Variants in AKAP13 observed in about 807,000 individuals in gnomAD.
AKAP13 encodes A-kinase anchoring protein 13.
Under a neutral mutation model 264.5 loss-of-function variants are expected in AKAP13, and 80 were observed. The ratio of observed to expected loss-of-function variants is 0.30; its 90% confidence interval spans 0.25 to 0.36. AKAP13 has a LOEUF of 0.36. Ranked by LOEUF, AKAP13 falls within the 10% of genes least tolerant of loss-of-function variation. The pLI is 1.00. For synonymous variants in AKAP13, 1,380 were observed against 1,250.2 expected, an observed-to-expected ratio of 1.10 and a Z score of -2.19; for missense variants, 3,712 against 3,435.2, an observed-to-expected ratio of 1.08 and a Z score of -2.01.
In AKAP13 at chr15:85,655,541, A is replaced by G. The variant is rs141765986; in HGVS notation, c.4499A>G (p.Asn1500Ser). Reference sequence around the variant, plus strand: ...TCTCTCTCCCAGATTTTAAAGCCAAACAGGTCAAGAGATCGGCAAAGCCTT... The same window carrying G: ...TCTCTCTCCCAGATTTTAAAGCCAAGCAGGTCAAGAGATCGGCAAAGCCTT... ...DVSLSQILKP[N>S]RSRDRQSLDG... Residue 1500 changes from asparagine to serine, a missense_variant, in exon 11 of 37, where the codon AAC (asparagine) becomes AGC (serine). Coordinates refer to ENST00000394518, the MANE Select transcript of AKAP13 (RefSeq NM_007200.5). 3.1e-6 allele frequency: 5 copies of G among 1,614,208 alleles called. No homozygotes were observed. Among genetic ancestry groups the G allele is most frequent in the African/African-American group, 1.3e-5 (1 of 75,064 alleles).
intron 10 of AKAP13, among the ~76,000 whole-genome samples, chr15:85,652,822 G>A (rs778478758): frequency 2.6e-5 from 4 of 152,138 alleles, no homozygotes; most frequent in African/African-American, 7.2e-5. Context: ...CTGCCTTCAC[G>A]TGGTATTCTC....
rs1175485577 is a variant in AKAP13 at position 85,515,123 on chromosome 15, A to G, written c.34-6305A>G. On this transcript the variant is annotated intron_variant, in intron 2 of 36. Coordinates refer to ENST00000394518, the MANE Select transcript of AKAP13 (RefSeq NM_007200.5). ...AAAATATGTGACTGCAAGATATAAA[A>G]AATAAACTCAGGAATCTAAATTTTA... Among the ~76,000 whole-genome samples the G allele has an allele frequency of 2.2e-5, 3 of 138,768 alleles. 1 individual carries two copies. The Admixed American group carries it at 2.2e-4, about 10-fold the overall frequency. The allele number at this position is 138,768 out of a possible 152,430, so 91.0% of individuals were successfully genotyped here.
chr15:85,586,746 T>C (rs2079371407), intron 8 of AKAP13, among the ~76,000 whole-genome samples: 2 of 151,950 alleles, frequency 1.3e-5, no homozygotes, highest in Non-Finnish European at 2.9e-5. Flanking sequence ...ACCAACATGG[T>C]GAAACCCTGT....
At chr15:85,519,452 A>G (rs890307326) in intron 2 of AKAP13, among the ~76,000 whole-genome samples, 1 of 152,102 alleles carries the variant, frequency 6.6e-6, no homozygotes, top group Non-Finnish European at 1.5e-5. Flanking sequence ...GGAACTTTTT[A>G]TTTGTACTTT....
At chr15:85,637,407 A>G (rs541227400) in intron 8 of AKAP13, among the ~76,000 whole-genome samples, 2 of 152,294 alleles carry the variant, frequency 1.3e-5, no homozygotes, top group South Asian at 4.1e-4. Flanking sequence ...TATTTCATCC[A>G]ACTTGATGAA....
chr15:85,689,748 C>T (rs2085166446), intron 16 of AKAP13: 1 of 152,270 alleles, frequency 6.6e-6, no homozygotes, highest in Non-Finnish European at 1.5e-5. Flanking sequence ...TATATTGCTG[C>T]TTAAGCACTG....
chr15:85,437,527 T>C (rs1227976786), intron 1 of AKAP13, among the ~76,000 whole-genome samples: 4 of 151,162 alleles, frequency 2.6e-5, no homozygotes, highest in African/African-American at 9.7e-5. Flanking sequence ...AAAAAGAGAA[T>C]TTTAGACCAA....
At chr15:85,487,592 G>A (rs1002702274) in intron 2 of AKAP13, among the ~76,000 whole-genome samples, 2 of 152,210 alleles carry the variant, frequency 1.3e-5, no homozygotes, top group South Asian at 2.1e-4. Flanking sequence ...TGGAGATGGG[G>A]CCTTGCTCTG....
chr15:85,592,614 C>G (rs2079631313), intron 8 of AKAP13, among the ~76,000 whole-genome samples: 1 of 152,138 alleles, frequency 6.6e-6, no homozygotes, highest in African/African-American at 2.4e-5. Flanking sequence ...GAGGCAGGCT[C>G]TCCTTAAATT....
chr15:85,662,439 C>A (rs745651912), intron 12 of AKAP13: 42 of 1,614,036 alleles, frequency 2.6e-5, no homozygotes, highest in Non-Finnish European at 3.6e-5. Context: ...TGAGTGCTGA[C>A]TTTAATTACA....
At chr15:85,517,233 C>T (rs887246068) in intron 2 of AKAP13, among the ~76,000 whole-genome samples, 2 of 152,218 alleles carry the variant, frequency 1.3e-5, no homozygotes, top group African/African-American at 4.8e-5. Flanking sequence ...CTTTCTATCT[C>T]ATTCTCCTAA....
chr15:85,539,630 T>C (rs2077518445), intron 4 of AKAP13, among the ~76,000 whole-genome samples: 1 of 152,200 alleles, frequency 6.6e-6, no homozygotes, highest in Non-Finnish European at 1.5e-5. Flanking sequence ...TCATCATGCT[T>C]GAATGCCTAC....
chr15:85,569,081 G>A (rs893928854), intron 5 of AKAP13, among the ~76,000 whole-genome samples: 2 of 152,202 alleles, frequency 1.3e-5, no homozygotes, highest in African/African-American at 4.8e-5. Flanking sequence ...AGGGATAACA[G>A]TGGTTTCATA....
rs141111376 is a variant in AKAP13 at position 85,528,456 on chromosome 15, G to A, written c.182-5128G>A. Among the ~76,000 whole-genome samples the A allele has an allele frequency of 5.2e-3, 789 of 152,256 alleles. 2 individuals carry two copies. The highest frequency in any genetic ancestry group is 8.7e-3 in the Non-Finnish European group (589 of 68,022). On this transcript the variant is annotated intron_variant, in intron 3 of 36. Transcript: ENST00000394518. ...TTTCCTAAACAGAAGCATTTTAATA[G>A]CTAATAATAAAAACTACCAGTTTTA...
chr15:85,716,171 T>C (rs2086924843), intron 20 of AKAP13, among the ~76,000 whole-genome samples: 1 of 152,176 alleles, frequency 6.6e-6, no homozygotes, highest in Non-Finnish European at 1.5e-5. Flanking sequence ...TCATCAGCCC[T>C]ACTTTTGAAG....
At chr15:85,698,961 A>G (rs1181781830) in intron 17 of AKAP13, among the ~76,000 whole-genome samples, 1 of 151,508 alleles carries the variant, frequency 6.6e-6, no homozygotes, top group African/African-American at 2.4e-5. Flanking sequence ...AAAAAAAAAA[A>G]AAAAAAAAAT....
At chr15:85,538,625 G>A (rs1460883701) in intron 4 of AKAP13, among the ~76,000 whole-genome samples, 5 of 150,776 alleles carry the variant, frequency 3.3e-5, no homozygotes, top group Admixed American at 2.0e-4. Flanking sequence ...GAGTAGCCGG[G>A]ACTACAGACG....
At chr15:85,513,667 G>A (rs1055739783) in intron 2 of AKAP13, among the ~76,000 whole-genome samples, 3 of 152,180 alleles carry the variant, frequency 2.0e-5, no homozygotes, top group Non-Finnish European at 2.9e-5. Context: ...TCCTAAAATA[G>A]GGATATTCTC....
At chr15:85,643,708 T>C (rs1018805246) in intron 9 of AKAP13, among the ~76,000 whole-genome samples, 1 of 152,206 alleles carries the variant, frequency 6.6e-6, no homozygotes, top group African/African-American at 2.4e-5. Context: ...AGAAGCCCCG[T>C]TTTAGTGAAG....
Sources: allele counts gnomAD v4.1 joint callset (sites outside exome capture counted in the v4.1 genomes callset), GRCh38; gene constraint gnomAD v4.1.1; transcripts MANE v1.5; gene names NCBI Gene and HGNC (gene_info 2026-07-23, HGNC 2026-07-21).